Variants in ANKS1B observed in about 807,000 individuals in gnomAD.
The protein encoded by ANKS1B is ankyrin repeat and sterile alpha motif domain containing 1B.
ANKS1B carries 36 observed loss-of-function variants against 148.3 expected under a neutral mutation model. That is an observed-to-expected ratio of 0.24 (90% CI 0.19 to 0.32). The LOEUF is 0.32. Ranked by LOEUF, ANKS1B falls within the 10% of genes least tolerant of loss-of-function variation. ANKS1B has a pLI of 1.00. For missense variants in ANKS1B, 1,157 were observed against 1,542.6 expected (o/e 0.75, Z 4.19); for synonymous variants, 542 against 560.8 (o/e 0.97, Z 0.47).
intron 8 of ANKS1B, among the ~76,000 whole-genome samples, chr12:99,680,238 C>G (rs1272299995): frequency 1.3e-5 from 2 of 152,160 alleles, no homozygotes; most frequent in Admixed American, 1.3e-4. Context: ...GCCAAAAGTT[C>G]AAGACCAGCC....
At chr12:99,046,817 G>A (rs7956330) in intron 17 of ANKS1B, among the ~76,000 whole-genome samples, 4,299 of 19,778 alleles carry the variant, frequency 0.22, 255 homozygotes, top group East Asian at 0.47. Context: ...TAAAAAAAAA[G>A]AAAAAAAAAA....
chr12:99,370,201 G>A (rs1325890043), intron 12 of ANKS1B, among the ~76,000 whole-genome samples: 4 of 152,138 alleles, frequency 2.6e-5, no homozygotes, highest in Admixed American at 2.0e-4. Flanking sequence ...AAAGGCACTG[G>A]TGGAGCTGTC....
chr12:99,366,106 C>G (rs547645279), intron 12 of ANKS1B, among the ~76,000 whole-genome samples: 1 of 152,280 alleles, frequency 6.6e-6, no homozygotes, highest in South Asian at 2.1e-4. Context: ...CTGTGTTTCT[C>G]TAGACTCCCA....
Position 98,745,601 on chromosome 12 carries a change from T to C in ANKS1B, c.*138A>G. On this transcript the variant is annotated 3_prime_UTR_variant, in exon 27 of 27. Coordinates refer to ENST00000683438, the MANE Select transcript of ANKS1B (RefSeq NM_001352186.2). ...AAAGAACTTCCCCAGGAATGGCCAG[T>C]GGCCTTTCGCCCGTAACAAGGCCGC... 2 of 1,426,048 alleles carry C rather than the reference T, an allele frequency of 1.4e-6. No homozygotes were observed. The highest frequency in any genetic ancestry group is 1.8e-6 in the Non-Finnish European group (2 of 1,087,138). The allele number at this position is 1,426,048 out of a possible 1,614,324, so 88.3% of individuals were successfully genotyped here.
chr12:98,868,059 CATCT>C (rs1188003690), intron 17 of ANKS1B, among the ~76,000 whole-genome samples: 5 of 152,164 alleles, frequency 3.3e-5, no homozygotes, highest in African/African-American at 1.2e-4. Flanking sequence ...CAAACACCTC[CATCT>C]GACTGTCTCC....
chr12:98,909,647 G>A (rs2099784052), intron 17 of ANKS1B, among the ~76,000 whole-genome samples: 1 of 152,170 alleles, frequency 6.6e-6, no homozygotes, highest in Non-Finnish European at 1.5e-5. Flanking sequence ...GAGAACAGGA[G>A]CATAAGAAAA....
intron 9 of ANKS1B, among the ~76,000 whole-genome samples, chr12:99,597,217 A>G (rs1039426005): frequency 6.6e-6 from 1 of 151,264 alleles, no homozygotes; most frequent in African/African-American, 2.4e-5. Context: ...TGAATAATAC[A>G]TAATACTTGC....
At chr12:99,095,168 A>C (rs546460922) in intron 15 of ANKS1B, among the ~76,000 whole-genome samples, 1 of 152,306 alleles carries the variant, frequency 6.6e-6, no homozygotes, top group Non-Finnish European at 1.5e-5. Context: ...AGCAGTACCT[A>C]CGAAAATGAA....
At chr12:99,400,183 G>A (rs1339964076) in intron 11 of ANKS1B, among the ~76,000 whole-genome samples, 2 of 147,562 alleles carry the variant, frequency 1.4e-5, no homozygotes, top group Admixed American at 6.7e-5. Context: ...AGACCCAGAG[G>A]ATATAGAATC....
chr12:99,744,811 G>GTCTAGTT (rs1172241075), intron 8 of ANKS1B, among the ~76,000 whole-genome samples: 2 of 151,926 alleles, frequency 1.3e-5, no homozygotes, highest in Non-Finnish European at 2.9e-5. Flanking sequence ...GACTAACATG[G>GTCTAGTT]TGAAACCCTG....
chr12:99,735,072 A>G (rs1477275038), intron 8 of ANKS1B, among the ~76,000 whole-genome samples: 1 of 152,158 alleles, frequency 6.6e-6, no homozygotes, highest in East Asian at 1.9e-4. Flanking sequence ...TATTATTTTT[A>G]TTACTATTTT....
chr12:99,034,346 T>C (rs1201285622), intron 17 of ANKS1B, among the ~76,000 whole-genome samples: 1 of 152,116 alleles, frequency 6.6e-6, no homozygotes, highest in African/African-American at 2.4e-5. Flanking sequence ...GACATGGTCT[T>C]GGTCTGTCAC....
At chr12:99,546,603 C>G (rs1049532245) in intron 9 of ANKS1B, among the ~76,000 whole-genome samples, 6 of 152,136 alleles carry the variant, frequency 3.9e-5, no homozygotes, top group African/African-American at 1.4e-4. Flanking sequence ...TCAATCCATG[C>G]TGGTGTCCAC....
At chr12:99,310,897 A>G (rs558492194) in intron 12 of ANKS1B, among the ~76,000 whole-genome samples, 2 of 152,274 alleles carry the variant, frequency 1.3e-5, no homozygotes, top group South Asian at 2.1e-4. Context: ...CTTACTGCCT[A>G]TGTGACTCTC....
intron 9 of ANKS1B, among the ~76,000 whole-genome samples, chr12:99,532,965 T>C (rs1423733122): frequency 6.6e-6 from 1 of 152,202 alleles, no homozygotes; most frequent in African/African-American, 2.4e-5. Context: ...ATGTGATGCA[T>C]CTAGATTTGT....
chr12:99,004,968 A>G (rs2099935274), intron 17 of ANKS1B, among the ~76,000 whole-genome samples: 1 of 152,198 alleles, frequency 6.6e-6, no homozygotes, highest in Non-Finnish European at 1.5e-5. Flanking sequence ...GCATTGCTCA[A>G]TAATTGCCTG....
intron 1 of ANKS1B, among the ~76,000 whole-genome samples, chr12:99,934,836 A>G (rs1196688726): frequency 6.6e-6 from 1 of 152,170 alleles, no homozygotes; most frequent in Non-Finnish European, 1.5e-5. Flanking sequence ...TTAATTTTGT[A>G]TATAAAGGAG....
intron 1 of ANKS1B, among the ~76,000 whole-genome samples, chr12:99,938,045 A>C (rs1468727542): frequency 6.6e-6 from 1 of 152,156 alleles, no homozygotes; most frequent in Non-Finnish European, 1.5e-5. Flanking sequence ...CCCCTTGAGT[A>C]TGGGCAGGAC....
chr12:98,980,677 T>C (rs542257863), intron 17 of ANKS1B, among the ~76,000 whole-genome samples: 10 of 152,352 alleles, frequency 6.6e-5, no homozygotes, highest in South Asian at 6.2e-4. Flanking sequence ...CATCTGGATT[T>C]TGACTTCCTT....
Sources: allele counts gnomAD v4.1 joint callset (sites outside exome capture counted in the v4.1 genomes callset), GRCh38; gene constraint gnomAD v4.1.1; transcripts MANE v1.5; gene names NCBI Gene and HGNC (gene_info 2026-07-23, HGNC 2026-07-21).